OPCML: variants seen among roughly 807,000 people sequenced by gnomAD.
The protein encoded by OPCML is opioid-binding protein/cell adhesion molecule.
In OPCML, 13 loss-of-function variants were observed where a neutral mutation model predicts 37.8. The observed-to-expected ratio is 0.34, with a 90% confidence interval of 0.22 to 0.55. The LOEUF (loss-of-function observed/expected upper bound fraction) is 0.55, where lower values mean the gene tolerates loss of function less well. Among genes scored for constraint, OPCML ranks in the 20% least tolerant of loss-of-function variants. The pLI is 0.91. For synonymous variants in OPCML, 176 were observed against 168.8 expected, an observed-to-expected ratio of 1.04 and a Z score of -0.33; for missense variants, 341 against 435.6, an observed-to-expected ratio of 0.78 and a Z score of 1.93.
chr11:132,668,883 A>G lies in OPCML; in HGVS notation c.147-11564T>C, dbSNP rs1291041296. 2.6e-5 allele frequency among the ~76,000 whole-genome samples: 4 copies of G among 152,228 alleles called. No individual in the cohort carries two copies. The East Asian group carries it at 7.7e-4, about 29-fold the overall frequency. On this transcript the variant is annotated intron_variant, in intron 2 of 7. Transcript: ENST00000524381. ...ATGTCTTACTCTCCAGAAGTGTTCT[A>G]TACTCAACCTACGTAGAATTCTGCA... is the stretch of plus-strand genomic sequence containing the variant.
intron 1 of OPCML, among the ~76,000 whole-genome samples, chr11:133,107,458 G>A (rs1423759818): frequency 6.6e-6 from 1 of 152,174 alleles, no homozygotes; most frequent in African/African-American, 2.4e-5. Context: ...CCTGATACAA[G>A]CTGTAAGAAG....
At chr11:132,456,196 A>C (rs1015139018) in intron 4 of OPCML, among the ~76,000 whole-genome samples, 1 of 152,220 alleles carries the variant, frequency 6.6e-6, no homozygotes, top group African/African-American at 2.4e-5. Context: ...AGCTAAAAGG[A>C]TAAACAGTTT....
chr11:132,436,372 A>G, intron 6 of OPCML, 135 bp from the exon 7 acceptor site: 1 of 1,558,440 alleles, frequency 6.4e-7, no homozygotes, highest in Non-Finnish European at 8.6e-7. Context: ...AGGAGAAGGG[A>G]AATGATGCTC....
At chr11:133,096,655 T>G (rs1949008140) in intron 1 of OPCML, among the ~76,000 whole-genome samples, 1 of 151,936 alleles carries the variant, frequency 6.6e-6, no homozygotes, top group African/African-American at 2.4e-5. Flanking sequence ...AATATAAATA[T>G]TATATAGATA....
At chr11:133,248,014 T>C (rs1357798465) in intron 1 of OPCML, among the ~76,000 whole-genome samples, 1 of 152,174 alleles carries the variant, frequency 6.6e-6, no homozygotes, top group African/African-American at 2.4e-5. Flanking sequence ...ATTTTTTATT[T>C]TAATGGAAGA....
chr11:133,031,488 T>G (rs1299771160), intron 1 of OPCML, among the ~76,000 whole-genome samples: 8 of 148,346 alleles, frequency 5.4e-5, no homozygotes, highest in Non-Finnish European at 1.0e-4. Flanking sequence ...GGTGAATGGA[T>G]GGATGGATGG....
chr11:132,948,520 GGGGTAT>G (rs1224926192), intron 1 of OPCML, among the ~76,000 whole-genome samples: 4 of 152,120 alleles, frequency 2.6e-5, no homozygotes, highest in Non-Finnish European at 5.9e-5. Flanking sequence ...AGAAATGTGT[GGGGTAT>G]GGGTTTTGGA....
intron 2 of OPCML, among the ~76,000 whole-genome samples, chr11:132,734,421 G>A (rs946056928): frequency 2.6e-5 from 4 of 152,152 alleles, no homozygotes; most frequent in African/African-American, 9.7e-5. Context: ...ACCACTTTAT[G>A]AAATCATTCA....
intron 1 of OPCML, among the ~76,000 whole-genome samples, chr11:133,486,852 T>TTCTC (rs10638959): frequency 1.6e-3 from 231 of 141,784 alleles, no homozygotes; most frequent in African/African-American, 5.5e-3. Context: ...CCCTTCTCTC[T>TTCTC]TCTCTCTCTC....
At chr11:133,060,774 C>T (rs1470691587) in intron 1 of OPCML, among the ~76,000 whole-genome samples, 1 of 152,252 alleles carries the variant, frequency 6.6e-6, no homozygotes, top group African/African-American at 2.4e-5. Flanking sequence ...CTGCACACAG[C>T]AGCCCCTGGC....
intron 1 of OPCML, chr11:133,422,185 G>A: frequency 1.0e-6 from 1 of 983,308 alleles, no homozygotes; most frequent in Non-Finnish European, 1.2e-6. Context: ...TTCACTCCCT[G>A]CAAACAAAGG....
chr11:132,691,044 G>A (rs1044577635), intron 2 of OPCML, among the ~76,000 whole-genome samples: 2 of 152,146 alleles, frequency 1.3e-5, no homozygotes, highest in Non-Finnish European at 2.9e-5. Context: ...CATAGAAGGT[G>A]GAAGATGCTG....
chr11:133,484,564 T>A (rs532304770), intron 1 of OPCML, among the ~76,000 whole-genome samples: 33 of 152,170 alleles, frequency 2.2e-4, no homozygotes, highest in African/African-American at 7.2e-4. Context: ...ACATAACAGA[T>A]AGTAAAAACC....
At chr11:133,061,204 A>T (rs1195316221) in intron 1 of OPCML, among the ~76,000 whole-genome samples, 1 of 152,196 alleles carries the variant, frequency 6.6e-6, no homozygotes, top group East Asian at 1.9e-4. Flanking sequence ...ATTTTGGTTG[A>T]CTGCAAGAAG....
Position 133,339,413 on chromosome 11 carries a change from T to C in OPCML, c.61+192851A>G, listed in dbSNP as rs144328598. ...CGGGGTTTGTTCCCATAGCCCATGC[T>C]CTTAGCCACTCACCTCTCCACGTGG... On this transcript the variant is annotated intron_variant, in intron 1 of 7. Transcript: ENST00000524381. 2.0e-5 allele frequency among the ~76,000 whole-genome samples: 3 copies of C among 152,302 alleles called. No individual in the cohort carries two copies. The East Asian group carries it at 5.8e-4, about 29-fold the overall frequency.
intron 2 of OPCML, among the ~76,000 whole-genome samples, chr11:132,712,267 TCAAAACC>T (rs1316807370): frequency 1.8e-4 from 28 of 152,190 alleles, no homozygotes; most frequent in African/African-American, 6.5e-4. Context: ...CCTGGTTTTC[TCAAAACC>T]CATAAAATGC....
chr11:132,633,360 C>T (rs2135700280), intron 3 of OPCML, among the ~76,000 whole-genome samples: 1 of 152,198 alleles, frequency 6.6e-6, no homozygotes, highest in East Asian at 1.9e-4. Flanking sequence ...TGGTAGCTCT[C>T]TTTTCCCTGC....
rs1384541021 is a variant in OPCML at position 133,264,773 on chromosome 11, A to T, written c.61+267491T>A. On this transcript the variant is annotated intron_variant, in intron 1 of 7. Transcript: ENST00000524381. Reference sequence around the variant, plus strand: ...ATACACACAGCGGTTTTTAATAAAAAAAAAAAGTACGTGGTTATACATCTG... The same window carrying T: ...ATACACACAGCGGTTTTTAATAAAATAAAAAAGTACGTGGTTATACATCTG... 2.0e-5 allele frequency among the ~76,000 whole-genome samples: 3 copies of T among 147,332 alleles called. No individual in the cohort carries two copies. The East Asian group carries it at 5.8e-4, about 28-fold the overall frequency.
rs369572202 is a variant in OPCML, at chr11:132,820,194, G to A, written c.146+122732C>T. Among the ~76,000 whole-genome samples the A allele has an allele frequency of 1.8e-3, 273 of 152,214 alleles. 3 individuals carry two copies. Among genetic ancestry groups the A allele is most frequent in the African/African-American group, 6.3e-3 (261 of 41,532 alleles). Reference sequence around the variant, plus strand: ...GGTTCTTAGGAGCCCGTAAAAGTAAGGTCATTAACCTCTAGTTAATGGGGG... The same window carrying A: ...GGTTCTTAGGAGCCCGTAAAAGTAAAGTCATTAACCTCTAGTTAATGGGGG... On this transcript the variant is annotated intron_variant, in intron 2 of 7. Transcript: ENST00000524381.
Sources: allele counts gnomAD v4.1 joint callset (sites outside exome capture counted in the v4.1 genomes callset), GRCh38; gene constraint gnomAD v4.1.1; transcripts MANE v1.5; gene names NCBI Gene and HGNC (gene_info 2026-07-23, HGNC 2026-07-21).